CLASP2: variants seen among roughly 807,000 people sequenced by gnomAD.
The protein encoded by CLASP2 is cytoplasmic linker associated protein 2, also known as CLIP-associating protein 2.
A neutral mutation model predicts 194.4 loss-of-function variants in CLASP2; 47 were observed. The observed-to-expected ratio is 0.24, with a 90% CI of 0.19 to 0.31. The LOEUF is 0.31. CLASP2 is among the 10% of genes least tolerant of loss of function. The pLI, the probability that CLASP2 is intolerant of heterozygous loss-of-function variation, is 1.00. For synonymous variants in CLASP2, 619 were observed against 633.5 expected (o/e 0.98, Z 0.34); for missense variants, 1,445 against 1,823.6 (o/e 0.79, Z 3.78).
chr3:33,630,707 G>T (rs964576064), intron 9 of CLASP2, among the ~76,000 whole-genome samples: 1 of 152,174 alleles, frequency 6.6e-6, no homozygotes, highest in Non-Finnish European at 1.5e-5. Flanking sequence ...GGTGGTGAGG[G>T]TGGCAGAGAG....
At chr3:33,601,104 G>A (rs1057258123) in intron 18 of CLASP2, among the ~76,000 whole-genome samples, 4 of 151,758 alleles carry the variant, frequency 2.6e-5, no homozygotes, top group African/African-American at 7.3e-5. Flanking sequence ...GACTACAGGC[G>A]CTCGCCACCA....
intron 26 of CLASP2, among the ~76,000 whole-genome samples, chr3:33,567,553 C>G (rs6762071): frequency 0.43 from 65,210 of 151,726 alleles, 14,265 homozygotes; most frequent in Admixed American, 0.53. Context: ...ATTTGAGGGG[C>G]AAAAAATGGG....
At chr3:33,525,979 T>A (rs1192437047) in intron 34 of CLASP2, among the ~76,000 whole-genome samples, 1 of 152,190 alleles carries the variant, frequency 6.6e-6, no homozygotes, top group Non-Finnish European at 1.5e-5. Context: ...GCTGATCCAG[T>A]CTTCCGGCTT....
At chr3:33,711,213 T>C (rs956808922) in intron 1 of CLASP2, among the ~76,000 whole-genome samples, 2 of 151,644 alleles carry the variant, frequency 1.3e-5, no homozygotes, top group African/African-American at 2.4e-5. Flanking sequence ...AGTGTAGCTA[T>C]AGGGTAGGCT....
At chr3:33,509,820 T>C (rs975796982) in intron 37 of CLASP2, among the ~76,000 whole-genome samples, 1 of 152,210 alleles carries the variant, frequency 6.6e-6, no homozygotes, top group African/African-American at 2.4e-5. Context: ...GGGGTTTATG[T>C]AGCTAAAGAG....
chr3:33,588,644 C>T (rs2067964101), intron 21 of CLASP2: 2 of 698,404 alleles, frequency 2.9e-6, no homozygotes, highest in Non-Finnish European at 5.2e-6. Flanking sequence ...AGAACCCATT[C>T]TTCATAATGA....
chr3:33,625,525 A>G (rs80227031), intron 10 of CLASP2, among the ~76,000 whole-genome samples: 1 of 151,456 alleles, frequency 6.6e-6, no homozygotes, highest in Non-Finnish European at 1.5e-5. Flanking sequence ...AAAAAAAAAA[A>G]GCAAGTTTCT....
chr3:33,501,988 G>A, intron 37 of CLASP2: 1 of 413,106 alleles, frequency 2.4e-6, no homozygotes, highest in Non-Finnish European at 4.3e-6. Context: ...CTCTATATCA[G>A]GTTCTTACTT....
intron 29 of CLASP2, among the ~76,000 whole-genome samples, chr3:33,553,124 A>C (rs2060323063): frequency 6.6e-6 from 1 of 152,198 alleles, no homozygotes; most frequent in South Asian, 2.1e-4. Context: ...TATCGACTTT[A>C]ATGTCATTTT....
At chr3:33,702,293 T>C (rs1356923860) in intron 1 of CLASP2, among the ~76,000 whole-genome samples, 1 of 152,094 alleles carries the variant, frequency 6.6e-6, no homozygotes, top group African/African-American at 2.4e-5. Context: ...AAATATAAAT[T>C]AATGAAATAG....
chr3:33,648,417 G>A (rs1201464938), intron 7 of CLASP2, among the ~76,000 whole-genome samples: 1 of 151,928 alleles, frequency 6.6e-6, no homozygotes, highest in African/African-American at 2.4e-5. Flanking sequence ...TAATGAGAAA[G>A]CGGTTATTCC....
At chr3:33,559,157 G>C in intron 29 of CLASP2, 150 bp downstream of exon 29, 1 of 702,236 alleles carries the variant, frequency 1.4e-6, no homozygotes, top group Non-Finnish European at 2.6e-6. Flanking sequence ...AGCTGGTCCC[G>C]AAGTGCTGGC....
At chr3:33,592,370 A>G in intron 21 of CLASP2, 25 bp downstream of exon 21, 1 of 1,474,392 alleles carries the variant, frequency 6.8e-7, no homozygotes, top group South Asian at 1.2e-5. Context: ...TGACAAATAT[A>G]GGAGGGCTGA....
At chr3:33,626,948 A>G (rs1218155529) in intron 10 of CLASP2, 40 bp downstream of exon 10, 3 of 1,217,640 alleles carry the variant, frequency 2.5e-6, no homozygotes, top group Middle Eastern at 2.3e-4. Flanking sequence ...AGGAACATCA[A>G]TAAAGAAAGA....
intron 1 of CLASP2, among the ~76,000 whole-genome samples, chr3:33,711,060 T>C (rs1281385838): frequency 6.6e-6 from 1 of 152,098 alleles, no homozygotes; most frequent in Admixed American, 6.5e-5. Flanking sequence ...TGTAGAATAG[T>C]TGTTTAAGTG....
intron 8 of CLASP2, among the ~76,000 whole-genome samples, chr3:33,638,127 CTAATA>C (rs1319863602): frequency 1.3e-5 from 2 of 151,948 alleles, no homozygotes; most frequent in African/African-American, 2.4e-5. Flanking sequence ...AAAATAAAAC[CTAATA>C]TGAGTGCCTA....
intron 15 of CLASP2, among the ~76,000 whole-genome samples, chr3:33,607,000 C>A (rs991592100): frequency 1.3e-5 from 2 of 152,306 alleles, no homozygotes; most frequent in East Asian, 1.9e-4. Flanking sequence ...CTTGGGTAAA[C>A]CCCTAAGTGT....
intron 36 of CLASP2, among the ~76,000 whole-genome samples, chr3:33,513,354 C>T (rs1426094233): frequency 6.6e-6 from 1 of 152,046 alleles, no homozygotes; most frequent in South Asian, 2.1e-4. Context: ...GCCTTGCAAA[C>T]ACAGCGAAAC....
At chr3:33,614,015 T>C (rs770771858) in intron 12 of CLASP2, among the ~76,000 whole-genome samples, 5 of 152,134 alleles carry the variant, frequency 3.3e-5, no homozygotes, top group Non-Finnish European at 7.3e-5. Context: ...TTACACTTTA[T>C]TAATATAAGT....
Sources: allele counts gnomAD v4.1 joint callset (sites outside exome capture counted in the v4.1 genomes callset), GRCh38; gene constraint gnomAD v4.1.1; transcripts MANE v1.5; gene names NCBI Gene and HGNC (gene_info 2026-07-23, HGNC 2026-07-21).